The following CNTNAP3B variants were observed in gnomAD, a reference collection of about 807,000 sequenced individuals.
CNTNAP3B encodes contactin-associated protein-like 3B.
A neutral mutation model predicts 108.9 loss-of-function variants in CNTNAP3B; 25 were observed. The observed-to-expected ratio is 0.23, with a 90% CI of 0.17 to 0.32. CNTNAP3B has a LOEUF of 0.32. Among genes scored for constraint, CNTNAP3B ranks in the 10% least tolerant of loss-of-function variants. The pLI, the probability that CNTNAP3B is intolerant of heterozygous loss-of-function variation, is 1.00. For synonymous variants in CNTNAP3B, 103 were observed against 473.4 expected (o/e 0.22, Z 10.16); for missense variants, 252 against 1,210.4 (o/e 0.21, Z 11.75).
chr9:41,945,928 A>G (rs1824519955), intron 13 of CNTNAP3B, among the ~76,000 whole-genome samples: 1 of 152,262 alleles, frequency 6.6e-6, no homozygotes, highest in Non-Finnish European at 1.5e-5. Flanking sequence ...AAAGAAAGAC[A>G]GAGTATCTAA....
chr9:41,918,640 G>C (rs552632089), intron 18 of CNTNAP3B, among the ~76,000 whole-genome samples: 1 of 141,206 alleles, frequency 7.1e-6, no homozygotes, highest in African/African-American at 2.8e-5. Flanking sequence ...GCCACTGGAG[G>C]ACCATTTTCC....
chr9:41,958,119 T>C (rs1184201180), intron 12 of CNTNAP3B, among the ~76,000 whole-genome samples: 2 of 152,214 alleles, frequency 1.3e-5, no homozygotes, highest in African/African-American at 4.8e-5. Flanking sequence ...TTCTTTTTCT[T>C]TTTTTGGAGA....
At chr9:41,964,316 A>C (rs1304901712) in intron 11 of CNTNAP3B, among the ~76,000 whole-genome samples, 17 of 152,176 alleles carry the variant, frequency 1.1e-4, no homozygotes, top group Non-Finnish European at 2.9e-5. Context: ...ATTGCTTGCC[A>C]GTTTCTTTTT....
intron 14 of CNTNAP3B, among the ~76,000 whole-genome samples, chr9:41,935,128 AATC>A (rs1824117636): frequency 6.6e-6 from 1 of 152,298 alleles, no homozygotes; most frequent in Non-Finnish European, 1.5e-5. Context: ...CAATATTTTA[AATC>A]ATTATAGTGC....
intron 12 of CNTNAP3B, chr9:41,960,008 T>C (rs1487656222): frequency 6.6e-6 from 1 of 152,436 alleles, no homozygotes; most frequent in Non-Finnish European, 1.5e-5. Flanking sequence ...TTTTTTTTTT[T>C]TTTTTTTTGA....
rs974034167 is a variant in CNTNAP3B at position 42,126,432 on chromosome 9, C to T, written c.85+2578G>A. 3.7e-5 allele frequency among the ~76,000 whole-genome samples: 5 copies of T among 134,384 alleles called. 1 individual carries two copies. Among genetic ancestry groups the T allele is most frequent in the Non-Finnish European group, 6.3e-5 (4 of 63,660 alleles). 88.2% of individuals were successfully genotyped at this position (134,384 alleles called of 152,430 possible). On this transcript the variant is annotated intron_variant, in intron 1 of 23. Coordinates refer to ENST00000377561, the MANE Select transcript of CNTNAP3B (RefSeq NM_001201380.3). The stretch of plus-strand genomic sequence containing the variant: ...AAGTGACCTTTCACTCAGTGCAAGT[C>T]TATGGGCACTGAAGTTACGAAAATA...
rs1160700582 is a variant in CNTNAP3B, at chr9:41,976,918, T to TA, written c.1478-6674dup. On this transcript the variant is annotated intron_variant, in intron 9 of 23. Coordinates refer to ENST00000377561, the MANE Select transcript of CNTNAP3B (RefSeq NM_001201380.3). ...CTGGGCAACAGAGTGACTCCCTGTC[T>TA]AAAAAAAAGGCAAAACAACGAAACA... Among the ~76,000 whole-genome samples the TA allele has an allele frequency of 6.5e-5, 9 of 138,042 alleles. 1 individual carries two copies. The East Asian group carries it at 8.7e-4, about 13-fold the overall frequency. 90.6% of individuals were successfully genotyped at this position (138,042 alleles called of 152,430 possible).
At chr9:41,953,827 T>A (rs199926596) in intron 12 of CNTNAP3B, among the ~76,000 whole-genome samples, 1,184 of 150,998 alleles carry the variant, frequency 7.8e-3, no homozygotes, top group East Asian at 0.03. Context: ...CTCACAGGTA[T>A]GATAGGAAGC....
chr9:42,110,121 G>A (rs1214918551), intron 1 of CNTNAP3B, among the ~76,000 whole-genome samples: 1 of 121,602 alleles, frequency 8.2e-6, no homozygotes, highest in Non-Finnish European at 1.7e-5. Flanking sequence ...CCAGTTTATG[G>A]TCATTTCTCA....
chr9:41,940,648 C>T (rs1186607538), intron 13 of CNTNAP3B, among the ~76,000 whole-genome samples: 1 of 152,266 alleles, frequency 6.6e-6, no homozygotes, highest in Non-Finnish European at 1.5e-5. Context: ...AACCCCGTCT[C>T]TACTAAAAAT....
intron 14 of CNTNAP3B, among the ~76,000 whole-genome samples, chr9:41,935,151 A>G (rs1370926002): frequency 2.6e-5 from 4 of 152,306 alleles, no homozygotes; most frequent in Middle Eastern, 3.2e-3. Flanking sequence ...CCTTTTAAAT[A>G]TATGTTTTTA....
chr9:41,928,093 T>A (rs1266696451), intron 15 of CNTNAP3B, among the ~76,000 whole-genome samples: 116 of 152,352 alleles, frequency 7.6e-4, no homozygotes, highest in Middle Eastern at 3.4e-3. Context: ...GATAAGTTTT[T>A]GAAATTGAAG....
chr9:41,940,780 A>C (rs1824317243), intron 13 of CNTNAP3B, among the ~76,000 whole-genome samples: 1 of 152,020 alleles, frequency 6.6e-6, no homozygotes, highest in African/African-American at 2.4e-5. Context: ...GTGCCACTGC[A>C]CTCCAGCCAG....
intron 18 of CNTNAP3B, among the ~76,000 whole-genome samples, chr9:41,918,625 C>G (rs1289610289): frequency 1.4e-5 from 2 of 141,388 alleles, no homozygotes; most frequent in Non-Finnish European, 3.1e-5. Context: ...ATAACATATG[C>G]CCCAGCCACT....
At chr9:41,977,987 A>T (rs1393733879) in intron 9 of CNTNAP3B, among the ~76,000 whole-genome samples, 3 of 131,364 alleles carry the variant, frequency 2.3e-5, no homozygotes, top group Non-Finnish European at 4.8e-5. Context: ...ATTCTGGAAA[A>T]AAAAAACAGT....
chr9:41,928,428 G>C (rs549976347), intron 15 of CNTNAP3B, among the ~76,000 whole-genome samples: 163 of 152,028 alleles, frequency 1.1e-3, no homozygotes, highest in African/African-American at 3.2e-3. Flanking sequence ...AGACAAGCCG[G>C]TCCCCGCCCT....
rs566263284 is a variant in CNTNAP3B at position 42,113,142 on chromosome 9, A to C, written c.86-8403T>G. 3.8e-3 allele frequency among the ~76,000 whole-genome samples: 513 copies of C among 135,648 alleles called. 69 individuals carry two copies. Among genetic ancestry groups the C allele is most frequent in the Non-Finnish European group, 6.4e-3 (410 of 64,012 alleles). 89.0% of individuals were successfully genotyped at this position (135,648 alleles called of 152,430 possible). On this transcript the variant is annotated intron_variant, in intron 1 of 23. Transcript: ENST00000377561. ...ATATAAGAACTATTTAAACATGTGG[A>C]GAGATGAAGGAGATGGGATGGGAAA...
chr9:42,070,883 C>T (rs1248629540), intron 3 of CNTNAP3B, among the ~76,000 whole-genome samples: 70 of 151,752 alleles, frequency 4.6e-4, no homozygotes, highest in Admixed American at 1.6e-3. Flanking sequence ...GCCCCAAAAA[C>T]GTCCCATGAC....
intron 13 of CNTNAP3B, among the ~76,000 whole-genome samples, chr9:41,948,535 G>GA (rs1220289873): frequency 6.8e-6 from 1 of 148,006 alleles, no homozygotes; most frequent in East Asian, 2.0e-4. Context: ...AAGACAATAT[G>GA]AAAAAAGAAA....
Sources: gnomAD v4.1 joint callset for allele counts (sites outside exome capture counted in the v4.1 genomes callset) on GRCh38, gnomAD v4.1.1 for gene constraint, MANE v1.5 for transcripts, NCBI Gene and HGNC (gene_info 2026-07-23, HGNC 2026-07-21) for gene names.